The following ZSWIM5 variants were observed in gnomAD, a reference collection of about 807,000 sequenced individuals.
ZSWIM5 encodes the protein zinc finger SWIM-type containing 5.
ZSWIM5 carries 55 observed loss-of-function variants against 119.6 expected under a neutral mutation model. The observed-to-expected ratio is 0.46, with a 90% CI of 0.37 to 0.58. The LOEUF is 0.58. Among genes scored for constraint, ZSWIM5 ranks in the 20% least tolerant of loss-of-function variants. The pLI, the probability that ZSWIM5 is intolerant of heterozygous loss-of-function variation, is 0.00. For synonymous variants in ZSWIM5, 537 were observed against 606.9 expected (o/e 0.88, Z 1.69); for missense variants, 1,193 against 1,512.8 (o/e 0.79, Z 3.51).
intron 1 of ZSWIM5, among the ~76,000 whole-genome samples, chr1:45,156,337 C>T (rs143883579): frequency 3.3e-5 from 5 of 152,138 alleles, no homozygotes; most frequent in African/African-American, 1.2e-4. Context: ...CTATTGAGTA[C>T]TATCCTCACT....
intron 1 of ZSWIM5, among the ~76,000 whole-genome samples, chr1:45,151,250 A>G (rs1645795120): frequency 6.6e-6 from 1 of 151,948 alleles, no homozygotes; most frequent in South Asian, 2.1e-4. Context: ...ATATTTATAT[A>G]TACTTAAAAA....
chr1:45,041,873 C>T (rs1645020291), intron 6 of ZSWIM5, among the ~76,000 whole-genome samples: 3 of 152,166 alleles, frequency 2.0e-5, no homozygotes, highest in South Asian at 2.1e-4. Context: ...TGGTATTATA[C>T]TTACTGTTTT....
intron 1 of ZSWIM5, among the ~76,000 whole-genome samples, chr1:45,099,708 G>A (rs1645426334): frequency 6.6e-6 from 1 of 152,170 alleles, no homozygotes; most frequent in African/African-American, 2.4e-5. Flanking sequence ...CCATGATCAA[G>A]TCGGCTTCAT....
At chr1:45,169,929 A>G (rs1018418069) in intron 1 of ZSWIM5, among the ~76,000 whole-genome samples, 1 of 152,092 alleles carries the variant, frequency 6.6e-6, no homozygotes, top group Admixed American at 6.6e-5. Flanking sequence ...TTAAAAAAAA[A>G]TTCCACACGG....
At chr1:45,049,822 T>A (rs903993789) in intron 5 of ZSWIM5, among the ~76,000 whole-genome samples, 22 of 152,042 alleles carry the variant, frequency 1.4e-4, no homozygotes, top group African/African-American at 5.1e-4. Context: ...TTGTATGCAT[T>A]TGACCCTCTC....
At chr1:45,083,504 C>T (rs1228359071) in intron 2 of ZSWIM5, among the ~76,000 whole-genome samples, 1 of 152,164 alleles carries the variant, frequency 6.6e-6, no homozygotes, top group Non-Finnish European at 1.5e-5. Context: ...CTTGCCTTGA[C>T]CTCCCAAAGT....
chr1:45,180,741 A>G (rs2149048739), intron 1 of ZSWIM5, among the ~76,000 whole-genome samples: 1 of 152,230 alleles, frequency 6.6e-6, no homozygotes, highest in Admixed American at 6.5e-5. Flanking sequence ...CAAAGCTTCC[A>G]GAGGAACGAT....
At position 45,039,050 on chromosome 1, in the gene ZSWIM5, T is replaced by C. The variant is rs989345996; in HGVS notation, c.1780A>G (p.Thr594Ala). 1.9e-6 allele frequency: 3 copies of C among 1,613,954 alleles called. No individual in the cohort carries two copies. In the Admixed American group the frequency reaches 5.0e-5, roughly 27 times the overall value. ...KKELLQRGTT[T>A]ITNLEGWVGH... is the part of the protein sequence containing the mutation. ...ACCCAGCCCTCCAGGTTTGTGATGG[T>C]TGTGGTTCCTCTCTGCAACAGTTCT... The change falls in exon 8 of 14, where the codon ACC (threonine) becomes GCC (alanine). Residue 594 changes from threonine to alanine, a missense_variant. Physicochemically the swap from Thr to Ala is moderately conservative, Grantham distance 58 (BLOSUM62 0). Coordinates refer to ENST00000359600, the MANE Select transcript of ZSWIM5 (RefSeq NM_020883.2).
chr1:45,028,655 C>T (rs1419679796), intron 11 of ZSWIM5, among the ~76,000 whole-genome samples: 1 of 152,012 alleles, frequency 6.6e-6, no homozygotes, highest in Non-Finnish European at 1.5e-5. Flanking sequence ...CCTCAGGAGG[C>T]TGAGGCAGGA....
intron 1 of ZSWIM5, among the ~76,000 whole-genome samples, chr1:45,136,927 T>C (rs1441004301): frequency 6.6e-6 from 1 of 152,172 alleles, no homozygotes; most frequent in Non-Finnish European, 1.5e-5. Context: ...CTGAAAGCCC[T>C]ATTCAGTTTC....
intron 1 of ZSWIM5, among the ~76,000 whole-genome samples, chr1:45,181,474 G>T (rs915219754): frequency 1.3e-5 from 2 of 152,204 alleles, no homozygotes; most frequent in Admixed American, 6.5e-5. Flanking sequence ...TACCTGAAAG[G>T]GACAGGGAGA....
chr1:45,180,186 CAG>C (rs1423520176), intron 1 of ZSWIM5, among the ~76,000 whole-genome samples: 1 of 152,154 alleles, frequency 6.6e-6, no homozygotes, highest in Non-Finnish European at 1.5e-5. Flanking sequence ...TGGTCAAGGA[CAG>C]GGGTGACAGA....
chr1:45,206,270 G>A lies in ZSWIM5; in HGVS notation c.81C>T (p.Ser27=), dbSNP rs780348781. 2 of 1,581,566 alleles carry A rather than the reference G, an allele frequency of 1.3e-6. No individual in the cohort carries two copies. Among genetic ancestry groups the A allele is most frequent in the African/African-American group, 2.7e-5 (2 of 74,240 alleles). ...SPAKRQCSWP[S]PQAHHPRGSP... ...AACCGCGAGGGTGATGAGCCTGCGG[G>A]CTGGGCCACGAACACTGCCGCTTAG... is the stretch of plus-strand genomic sequence containing the variant. Residue 27 remains serine (S), a synonymous_variant, in exon 1 of 14, where the codon AGC becomes AGT. Transcript: ENST00000359600.
At chr1:45,201,506 A>G (rs566794707) in intron 1 of ZSWIM5, among the ~76,000 whole-genome samples, 1 of 152,334 alleles carries the variant, frequency 6.6e-6, no homozygotes, top group East Asian at 1.9e-4. Context: ...TCACCATAAT[A>G]GATTACTGAC....
Position 45,051,058 on chromosome 1 carries a change from A to C in ZSWIM5, c.1432+16T>G. ...AAGTTCCAGGTACAAAGAGCCTAAA[A>C]GGACACTTGGCTCACCTGGGCTGTG... On this transcript the variant is annotated intron_variant, in intron 5 of 13. Transcript: ENST00000359600. 6.2e-7 allele frequency: 1 copy of C among 1,606,630 alleles called. No individual in the cohort carries two copies. Among genetic ancestry groups the C allele is most frequent in the Non-Finnish European group, 8.5e-7 (1 of 1,176,732 alleles).
At chr1:45,038,291 T>C (rs1644997223) in intron 8 of ZSWIM5, among the ~76,000 whole-genome samples, 1 of 152,344 alleles carries the variant, frequency 6.6e-6, no homozygotes, top group South Asian at 2.1e-4. Flanking sequence ...AGATTCTTAA[T>C]GGAAGTTCTT....
rs1430785464 is a variant in ZSWIM5, at chr1:45,057,137, A to G, written c.1252+1472T>C. ...GTTCTCAAAGTGTGGTCTCTGGATC[A>G]GCAGCATCAGCATCCCCTGGGAATT... On this transcript the variant is annotated intron_variant, in intron 4 of 13. Transcript: ENST00000359600. The surrounding 1 kb of genome is among the most constrained non-coding windows in gnomAD (Gnocchi z 4.7). Among the ~76,000 whole-genome samples, 1 of 152,236 alleles carries G rather than the reference A, an allele frequency of 6.6e-6. No homozygotes were observed. The highest frequency in any genetic ancestry group is 1.5e-5 in the Non-Finnish European group (1 of 68,028).
chr1:45,094,907 C>CATGT (rs1345331990), intron 1 of ZSWIM5, among the ~76,000 whole-genome samples: 2 of 151,850 alleles, frequency 1.3e-5, no homozygotes, highest in African/African-American at 4.8e-5. Context: ...GTTGAGTCCC[C>CATGT]ATGTATGCAT....
At chr1:45,083,663 C>T (rs1284969456) in intron 2 of ZSWIM5, among the ~76,000 whole-genome samples, 1 of 152,216 alleles carries the variant, frequency 6.6e-6, no homozygotes, top group Non-Finnish European at 1.5e-5. Flanking sequence ...CCCACCTGGT[C>T]TCATTGCCTC....
Sources: gnomAD v4.1 joint callset for allele counts (sites outside exome capture counted in the v4.1 genomes callset) on GRCh38, gnomAD v4.1.1 for gene constraint, Gnocchi (gnomAD v3.1) non-coding constraint, MANE v1.5 for transcripts, NCBI Gene and HGNC (gene_info 2026-07-23, HGNC 2026-07-21) for gene names.